Variants in XPO4 observed in about 807,000 individuals in gnomAD.
XPO4 encodes exportin-4.
XPO4 carries 39 observed loss-of-function variants against 143.0 expected under a neutral mutation model. The ratio of observed to expected loss-of-function variants is 0.27; its 90% CI spans 0.21 to 0.36. The LOEUF (loss-of-function observed/expected upper bound fraction) is 0.36, where lower values mean the gene tolerates loss of function less well. Ranked by LOEUF, XPO4 falls within the 10% of genes least tolerant of loss-of-function variation. XPO4 has a pLI of 1.00. For synonymous variants in XPO4, 439 were observed against 474.0 expected, an observed-to-expected ratio of 0.93 and a Z score of 0.96; for missense variants, 907 against 1,348.0, an observed-to-expected ratio of 0.67 and a Z score of 5.12.
intron 18 of XPO4, among the ~76,000 whole-genome samples, chr13:20,792,493 G>A (rs2059297203): frequency 6.6e-6 from 1 of 152,054 alleles, no homozygotes; most frequent in South Asian, 2.1e-4. Context: ...CACTTGAACC[G>A]AGGAGGCAGA....
chr13:20,809,068 TTGGAC>T lies in XPO4; in HGVS notation c.1493+10_1493+14del. The T allele has an allele frequency of 6.2e-7, 1 of 1,608,990 alleles. No individual in the cohort carries two copies. The highest frequency in any genetic ancestry group is 8.5e-7 in the Non-Finnish European group (1 of 1,178,004). ...AGAATATTTGCTCCATGGGGTTTCT[TTGGAC>T]TGTGTGTACCTTGTCAGAAGAGGTA... On this transcript the variant is annotated intron_variant, in intron 11 of 22. Transcript: ENST00000255305.
chr13:20,825,804 T>C (rs2059777401), intron 7 of XPO4, among the ~76,000 whole-genome samples: 1 of 152,244 alleles, frequency 6.6e-6, no homozygotes, highest in Non-Finnish European at 1.5e-5. Context: ...TTAGCCATCA[T>C]TTCTCTGATT....
chr13:20,826,333 A>G (rs1371440767), intron 7 of XPO4, among the ~76,000 whole-genome samples: 1 of 152,210 alleles, frequency 6.6e-6, no homozygotes, highest in African/African-American at 2.4e-5. Context: ...TCATAAATAT[A>G]ATAAGTATAA....
intron 19 of XPO4, among the ~76,000 whole-genome samples, 172 bp downstream of exon 19, chr13:20,790,290 T>C (rs2059263860): frequency 1.3e-5 from 2 of 152,218 alleles, no homozygotes; most frequent in South Asian, 4.1e-4. Context: ...TAAGGGCCCA[T>C]GTTACTGAGA....
rs1026048406 is a variant in XPO4, at chr13:20,777,837, G to A, written c.*5885C>T. On this transcript the variant is annotated 3_prime_UTR_variant, in exon 23 of 23. Transcript: ENST00000255305. Reference sequence around the variant, plus strand: ...AATAATTTACAGGGACACTCAGTAGGAGGTTGAATTATACGCCAGACTGAG... The same window carrying A: ...AATAATTTACAGGGACACTCAGTAGAAGGTTGAATTATACGCCAGACTGAG... 1 of 152,166 alleles carries A rather than the reference G, an allele frequency of 6.6e-6. No individual in the cohort carries two copies. The highest frequency in any genetic ancestry group is 2.4e-5 in the African/African-American group (1 of 41,440). The allele number at this position is 152,166 out of a possible 1,614,324, so 9.4% of individuals were successfully genotyped here.
rs542067292 is a variant in XPO4, at chr13:20,897,441, G to T, written c.69+5229C>A. On this transcript the variant is annotated intron_variant, in intron 1 of 22. Coordinates refer to ENST00000255305, the MANE Select transcript of XPO4 (RefSeq NM_022459.5). Reference sequence around the variant, plus strand: ...CTATTTTTCATGATTCAGCTTAAGGGTTACCTATTCCAAGAAGCCCTTTCT... The same window carrying T: ...CTATTTTTCATGATTCAGCTTAAGGTTTACCTATTCCAAGAAGCCCTTTCT... 2.6e-5 allele frequency among the ~76,000 whole-genome samples: 4 copies of T among 152,228 alleles called. No individual in the cohort carries two copies. The East Asian group carries it at 7.7e-4, about 29-fold the overall frequency.
chr13:20,895,146 C>G (rs1036290769), intron 1 of XPO4, among the ~76,000 whole-genome samples: 2 of 151,962 alleles, frequency 1.3e-5, no homozygotes, highest in Non-Finnish European at 2.9e-5. Context: ...CCACTGCACT[C>G]CAGCCTAGGC....
At chr13:20,829,675 C>T (rs2059829166) in intron 6 of XPO4, among the ~76,000 whole-genome samples, 1 of 152,136 alleles carries the variant, frequency 6.6e-6, no homozygotes, top group South Asian at 2.1e-4. Flanking sequence ...ATAAATTTTG[C>T]TACTTCTGGA....
intron 13 of XPO4, among the ~76,000 whole-genome samples, chr13:20,806,539 C>CTTTTTTTT (rs3056347): frequency 1.6e-5 from 1 of 61,596 alleles, no homozygotes; most frequent in African/African-American, 6.8e-5. Context: ...TTTCAGGACC[C>CTTTTTTTT]TTTTTTTTTT....
chr13:20,866,228 A>T (rs1186992269), intron 2 of XPO4: 1 of 985,240 alleles, frequency 1.0e-6, no homozygotes, highest in African/African-American at 1.7e-5. Context: ...TGCCACATGC[A>T]TGCACAGATA....
chr13:20,830,556 G>A (rs1447832181), intron 6 of XPO4, among the ~76,000 whole-genome samples: 3 of 151,796 alleles, frequency 2.0e-5, no homozygotes, highest in African/African-American at 7.3e-5. Flanking sequence ...ACTTTTCATA[G>A]GACACAATTA....
chr13:20,890,643 C>G (rs1481913339), intron 1 of XPO4, among the ~76,000 whole-genome samples: 1 of 151,184 alleles, frequency 6.6e-6, no homozygotes, highest in Non-Finnish European at 1.5e-5. Flanking sequence ...TACTAAAATA[C>G]AAAAATTAGC....
intron 1 of XPO4, among the ~76,000 whole-genome samples, chr13:20,897,907 C>T (rs901129588): frequency 1.3e-5 from 2 of 152,166 alleles, no homozygotes; most frequent in African/African-American, 2.4e-5. Flanking sequence ...TATGCACCAC[C>T]TCGCCCAGAT....
chr13:20,885,365 AT>A (rs1203030349), intron 1 of XPO4, among the ~76,000 whole-genome samples: 2 of 152,220 alleles, frequency 1.3e-5, no homozygotes, highest in African/African-American at 4.8e-5. Context: ...GGTCAATAAG[AT>A]ATTAAAACTA....
rs541686547 is a variant in XPO4 at position 20,847,244 on chromosome 13, C to A, written c.457-3358G>T. On this transcript the variant is annotated intron_variant, in intron 4 of 22. Coordinates refer to ENST00000255305, the MANE Select transcript of XPO4 (RefSeq NM_022459.5). ...CAACACATATCAACAAAGTATTTCT[C>A]CCTATTCATAGGGGAATTAAACATA... Among the ~76,000 whole-genome samples, 35 of 152,228 alleles carry A rather than the reference C, an allele frequency of 2.3e-4. No homozygotes were observed. In the East Asian group the frequency reaches 6.7e-3, roughly 29 times the overall value.
At chr13:20,827,904 G>A (rs969049008) in intron 6 of XPO4, among the ~76,000 whole-genome samples, 2 of 152,028 alleles carry the variant, frequency 1.3e-5, no homozygotes, top group Non-Finnish European at 2.9e-5. Flanking sequence ...TTATGAATAC[G>A]ATTCATTGAT....
At position 20,800,905 on chromosome 13, in the gene XPO4, C is replaced by T. The variant is rs752890807; in HGVS notation, c.1903G>A (p.Gly635Ser). 1.9e-6 allele frequency: 3 copies of T among 1,613,970 alleles called. No individual in the cohort carries two copies. The highest frequency in any genetic ancestry group is 2.5e-6 in the Non-Finnish European group (3 of 1,179,964). ...TTTAAAAACCAAACAATATCTTTGCCCATCTGGGGACTTAGTAGATGAGTG... is the reference window on the plus strand; with the variant it reads ...TTTAAAAACCAAACAATATCTTTGCTCATCTGGGGACTTAGTAGATGAGTG... The part of the protein sequence containing the change: ...DLTHLLSPQM[G>S]KDIVWFLKRW... The change falls in exon 14 of 23, where the codon GGC (glycine) becomes AGC (serine). Residue 635 changes from glycine to serine, a missense_variant. Coordinates refer to ENST00000255305, the MANE Select transcript of XPO4 (RefSeq NM_022459.5).
chr13:20,786,262 G>A (rs1365263826), intron 22 of XPO4, among the ~76,000 whole-genome samples: 1 of 150,804 alleles, frequency 6.6e-6, no homozygotes, highest in Non-Finnish European at 1.5e-5. Flanking sequence ...AAACGCCAAA[G>A]CTTCTTGGCC....
At chr13:20,871,055 G>C (rs1272896305) in intron 1 of XPO4, among the ~76,000 whole-genome samples, 6 of 152,218 alleles carry the variant, frequency 3.9e-5, no homozygotes, top group Admixed American at 3.9e-4. Context: ...TGATCTGCCT[G>C]CCTTGGCCTC....
Sources: allele counts gnomAD v4.1 joint callset (sites outside exome capture counted in the v4.1 genomes callset), GRCh38; gene constraint gnomAD v4.1.1; transcripts MANE v1.5; gene names NCBI Gene and HGNC (gene_info 2026-07-23, HGNC 2026-07-21).